HHAT: variants seen among roughly 807,000 people sequenced by gnomAD.
The protein encoded by HHAT is protein-cysteine N-palmitoyltransferase HHAT.
In HHAT, 47 loss-of-function variants were observed where a neutral mutation model predicts 70.8. The observed-to-expected ratio is 0.66, with a 90% CI of 0.53 to 0.85. HHAT has a LOEUF of 0.85. HHAT is among the 40% of genes least tolerant of loss of function. The pLI, the probability that HHAT is intolerant of heterozygous loss-of-function variation, is 0.00. For missense variants in HHAT, 609 were observed against 604.8 expected (o/e 1.01, Z -0.07); for synonymous variants, 228 against 247.6 (o/e 0.92, Z 0.74).
chr1:210,521,881 G>C (rs907505182), intron 9 of HHAT, among the ~76,000 whole-genome samples: 6 of 152,168 alleles, frequency 3.9e-5, no homozygotes, highest in African/African-American at 1.4e-4. Flanking sequence ...AGACCCAGAT[G>C]GTAATGGGAA....
intron 1 of HHAT, among the ~76,000 whole-genome samples, chr1:210,338,057 G>A (rs1361320189): frequency 1.3e-5 from 2 of 152,164 alleles, no homozygotes; most frequent in Non-Finnish European, 2.9e-5. Flanking sequence ...GACAGGCAGA[G>A]GATCTGGGGA....
chr1:210,522,591 T>A (rs1229002468), intron 9 of HHAT, among the ~76,000 whole-genome samples: 3 of 152,128 alleles, frequency 2.0e-5, no homozygotes, highest in Non-Finnish European at 4.4e-5. Flanking sequence ...TCTTAACATC[T>A]CTCACATCCA....
At chr1:210,517,922 CAGCAGGATAACATCATG>C (rs752191689) in intron 9 of HHAT, among the ~76,000 whole-genome samples, 14 of 152,244 alleles carry the variant, frequency 9.2e-5, no homozygotes, top group Admixed American at 2.6e-4. Context: ...CAGTAGTTTT[CAGCAGGATAACATCATG>C]AGCAGGATAA....
At chr1:210,464,217 T>C (rs1171696798) in intron 7 of HHAT, among the ~76,000 whole-genome samples, 1 of 152,198 alleles carries the variant, frequency 6.6e-6, no homozygotes. Context: ...GTAATAGTTT[T>C]TTAATGCAAT....
At chr1:210,665,990 C>T (rs1342624578) in intron 11 of HHAT, among the ~76,000 whole-genome samples, 2 of 152,162 alleles carry the variant, frequency 1.3e-5, no homozygotes, top group Non-Finnish European at 2.9e-5. Context: ...TCTTTGTAGA[C>T]CATTTGCATG....
At chr1:210,491,507 A>G (rs1464016030) in intron 8 of HHAT, among the ~76,000 whole-genome samples, 1 of 152,130 alleles carries the variant, frequency 6.6e-6, no homozygotes, top group Non-Finnish European at 1.5e-5. Context: ...ACCCTTGGGC[A>G]AGTTATTATT....
At chr1:210,483,851 C>T (rs896402236) in intron 8 of HHAT, among the ~76,000 whole-genome samples, 11 of 152,162 alleles carry the variant, frequency 7.2e-5, no homozygotes, top group African/African-American at 2.7e-4. Flanking sequence ...AAATACATTT[C>T]TGTACTATAA....
chr1:210,633,638 C>G (rs1029531794), intron 11 of HHAT, among the ~76,000 whole-genome samples: 6 of 152,238 alleles, frequency 3.9e-5, no homozygotes, highest in Non-Finnish European at 7.3e-5. Context: ...CTCTTCTGCC[C>G]TTCTCTAACC....
intron 9 of HHAT, among the ~76,000 whole-genome samples, chr1:210,544,133 T>A (rs1386447504): frequency 6.6e-6 from 1 of 152,186 alleles, no homozygotes; most frequent in East Asian, 1.9e-4. Context: ...GGAAATGGTA[T>A]GCACTGCCCG....
At chr1:210,570,007 A>C (rs1655849341) in intron 9 of HHAT, among the ~76,000 whole-genome samples, 1 of 152,156 alleles carries the variant, frequency 6.6e-6, no homozygotes, top group African/African-American at 2.4e-5. Context: ...ACAAATACAC[A>C]CAAAAATGAT....
At chr1:210,593,812 T>C (rs1313035838) in intron 10 of HHAT, among the ~76,000 whole-genome samples, 2 of 152,184 alleles carry the variant, frequency 1.3e-5, no homozygotes, top group Non-Finnish European at 2.9e-5. Flanking sequence ...TTAGCTCTAA[T>C]AATATTTGCT....
chr1:210,671,181 T>TG (rs1389091659), intron 11 of HHAT, among the ~76,000 whole-genome samples: 2 of 152,162 alleles, frequency 1.3e-5, no homozygotes, highest in African/African-American at 4.8e-5. Context: ...ACATCCCCAT[T>TG]GGCCCATCTT....
At chr1:210,417,884 G>GT (rs2092771776) in intron 6 of HHAT, among the ~76,000 whole-genome samples, 1 of 152,144 alleles carries the variant, frequency 6.6e-6, no homozygotes, top group Admixed American at 6.5e-5. Flanking sequence ...TGATGCTGGA[G>GT]TGGAGGGATC....
chr1:210,465,929 GGAATTGCAAGGAAT>G lies in HHAT; in HGVS notation c.1007+1289_1007+1302del, dbSNP rs1480290246. On this transcript the variant is annotated intron_variant, in intron 8 of 11. Transcript: ENST00000261458. ...AGGAATTGCAAGGAATGAATTGCAA[GGAATTGCAAGGAAT>G]GAATTGCAAGGAATTGCAAGGAATG... is the stretch of plus-strand genomic sequence containing the variant. Among the ~76,000 whole-genome samples, 6 of 134,590 alleles carry G rather than the reference GGAATTGCAAGGAAT, an allele frequency of 4.5e-5. No individual in the cohort carries two copies. The South Asian group carries it at 1.1e-3, about 24-fold the overall frequency. The allele number at this position is 134,590 out of a possible 152,430, so 88.3% of individuals were successfully genotyped here.
chr1:210,375,928 T>C (rs1558389671), intron 3 of HHAT, among the ~76,000 whole-genome samples: 3 of 151,654 alleles, frequency 2.0e-5, no homozygotes, highest in Admixed American at 1.3e-4. Context: ...CTTGGCTCAC[T>C]GCAATCTCTG....
chr1:210,534,530 T>A (rs2095350137), intron 9 of HHAT, among the ~76,000 whole-genome samples: 1 of 152,170 alleles, frequency 6.6e-6, no homozygotes, highest in South Asian at 2.1e-4. Flanking sequence ...GAATTTTAAT[T>A]TTTTTCAGAA....
chr1:210,352,582 G>A (rs1223456876), intron 2 of HHAT, among the ~76,000 whole-genome samples: 2 of 152,092 alleles, frequency 1.3e-5, no homozygotes, highest in Non-Finnish European at 1.5e-5. Context: ...GGGCATCTGC[G>A]TGGCTACTCT....
At chr1:210,622,033 T>G (rs553745483) in intron 10 of HHAT, among the ~76,000 whole-genome samples, 1 of 152,066 alleles carries the variant, frequency 6.6e-6, no homozygotes, top group Non-Finnish European at 1.5e-5. Context: ...GAAATTCATT[T>G]CTCTAGATGG....
intron 8 of HHAT, among the ~76,000 whole-genome samples, chr1:210,505,418 C>G (rs543619408): frequency 6.6e-6 from 1 of 152,246 alleles, no homozygotes; most frequent in African/African-American, 2.4e-5. Context: ...GGGGCCTGGT[C>G]GATCAGCCTC....
Sources: allele counts gnomAD v4.1 joint callset (sites outside exome capture counted in the v4.1 genomes callset), GRCh38; gene constraint gnomAD v4.1.1; transcripts MANE v1.5; gene names NCBI Gene and HGNC (gene_info 2026-07-23, HGNC 2026-07-21).